NPFFR2: variants seen among roughly 807,000 people sequenced by gnomAD.
NPFFR2 encodes neuropeptide FF receptor 2, also known as G-protein coupled receptor 74.
In NPFFR2, 15 loss-of-function variants were observed where a neutral mutation model predicts 13.1. The observed-to-expected ratio is 1.15, with a 90% CI of 0.77 to 1.76. The LOEUF (loss-of-function observed/expected upper bound fraction) is 1.76, where lower values mean the gene tolerates loss of function less well. Among genes scored for constraint, NPFFR2 ranks in the 40% most tolerant of loss-of-function variants. The probability of loss-of-function intolerance (pLI) is 0.00; values close to 1 mark genes in which losing one functional copy is unlikely to be tolerated. For synonymous variants in NPFFR2, 190 were observed against 175.7 expected, an observed-to-expected ratio of 1.08 and a Z score of -0.65; for missense variants, 572 against 503.5, an observed-to-expected ratio of 1.14 and a Z score of -1.30.
At chr4:72,050,431 C>T (rs1719510054) in intron 1 of NPFFR2, among the ~76,000 whole-genome samples, 1 of 151,908 alleles carries the variant, frequency 6.6e-6, no homozygotes, top group African/African-American at 2.4e-5. Flanking sequence ...ACACTCCTCC[C>T]TTTACAATTC....
At chr4:72,140,849 C>G (rs377017555) in intron 3 of NPFFR2, among the ~76,000 whole-genome samples, 6 of 152,210 alleles carry the variant, frequency 3.9e-5, no homozygotes, top group African/African-American at 9.6e-5. Flanking sequence ...ACCAGCTCCT[C>G]TTTGTACCTC....
At chr4:72,140,396 G>T (rs1722567533) in intron 3 of NPFFR2, among the ~76,000 whole-genome samples, 1 of 152,080 alleles carries the variant, frequency 6.6e-6, no homozygotes, top group Admixed American at 6.6e-5. Flanking sequence ...CTGTGGGTTT[G>T]TCAAAAAATA....
At chr4:72,042,914 A>G (rs191227503) in intron 1 of NPFFR2, among the ~76,000 whole-genome samples, 107 of 152,358 alleles carry the variant, frequency 7.0e-4, no homozygotes, top group Non-Finnish European at 1.3e-3. Flanking sequence ...CACCAAAACA[A>G]TGAGAAAAAT....
At chr4:72,092,203 C>T (rs1720933720) in intron 1 of NPFFR2, among the ~76,000 whole-genome samples, 1 of 151,930 alleles carries the variant, frequency 6.6e-6, no homozygotes, top group Non-Finnish European at 1.5e-5. Context: ...TGCGAGAGTA[C>T]TTGATATAAT....
chr4:72,040,691 C>T (rs1013827068), intron 1 of NPFFR2, among the ~76,000 whole-genome samples: 11 of 151,990 alleles, frequency 7.2e-5, no homozygotes, highest in Admixed American at 2.0e-4. Context: ...TTTTACCAAA[C>T]GAACTGTTTG....
chr4:72,108,580 A>T (rs1221167681), intron 1 of NPFFR2, among the ~76,000 whole-genome samples: 1 of 152,014 alleles, frequency 6.6e-6, no homozygotes, highest in Non-Finnish European at 1.5e-5. Context: ...CCCCAAAAGA[A>T]TTGGAGGAAA....
At chr4:72,104,241 G>T (rs927238337) in intron 1 of NPFFR2, among the ~76,000 whole-genome samples, 1 of 151,900 alleles carries the variant, frequency 6.6e-6, no homozygotes, top group African/African-American at 2.4e-5. Context: ...AGCTCTTTGG[G>T]TGCCCCATCA....
At chr4:72,139,856 T>A (rs932161731) in intron 3 of NPFFR2, among the ~76,000 whole-genome samples, 1 of 152,106 alleles carries the variant, frequency 6.6e-6, no homozygotes, top group Non-Finnish European at 1.5e-5. Flanking sequence ...GGCAGTATGG[T>A]CATTTTCACG....
At chr4:72,053,122 A>G (rs866907957) in intron 1 of NPFFR2, among the ~76,000 whole-genome samples, 1 of 151,908 alleles carries the variant, frequency 6.6e-6, no homozygotes, top group Non-Finnish European at 1.5e-5. Context: ...TGTCGTTGGC[A>G]ATGGTCCTCA....
chr4:72,124,635 C>A (rs749026016), intron 1 of NPFFR2, among the ~76,000 whole-genome samples: 13 of 152,166 alleles, frequency 8.5e-5, no homozygotes, highest in Non-Finnish European at 1.3e-4. Flanking sequence ...CTACAACCAT[C>A]TGATCTTTGA....
chr4:72,143,930 C>G (rs1722703421), intron 3 of NPFFR2, among the ~76,000 whole-genome samples: 1 of 152,180 alleles, frequency 6.6e-6, no homozygotes, highest in Non-Finnish European at 1.5e-5. Context: ...TGATTCACAT[C>G]CCTCGTTACC....
chr4:72,032,741 C>T (rs1718958719), intron 1 of NPFFR2, among the ~76,000 whole-genome samples: 1 of 152,096 alleles, frequency 6.6e-6, no homozygotes, highest in South Asian at 2.1e-4. Flanking sequence ...ATAGGGTTTC[C>T]AGACAATACC....
chr4:72,132,243 T>C (rs1578477144), intron 2 of NPFFR2, among the ~76,000 whole-genome samples: 1 of 152,034 alleles, frequency 6.6e-6, no homozygotes, highest in South Asian at 2.1e-4. Flanking sequence ...AATAGTAACA[T>C]GTAGTATTGG....
intron 1 of NPFFR2, among the ~76,000 whole-genome samples, chr4:72,118,032 C>T (rs550778211): frequency 1.4e-4 from 21 of 151,724 alleles, no homozygotes; most frequent in African/African-American, 4.8e-4. Flanking sequence ...GGGGGAAGGG[C>T]GAAAGTGAAA....
intron 1 of NPFFR2, among the ~76,000 whole-genome samples, chr4:72,097,836 T>C (rs1376164044): frequency 6.6e-6 from 1 of 152,150 alleles, no homozygotes; most frequent in African/African-American, 2.4e-5. Context: ...AATTACCTCA[T>C]TTGTTGGTTG....
intron 2 of NPFFR2, 35 bp downstream of exon 2, chr4:72,128,954 G>A: frequency 6.8e-7 from 1 of 1,479,636 alleles, no homozygotes; most frequent in South Asian, 1.2e-5. Flanking sequence ...AAGATAATAT[G>A]AAATATTTGT....
At chr4:72,130,616 G>A (rs568521095) in intron 2 of NPFFR2, among the ~76,000 whole-genome samples, 17 of 152,234 alleles carry the variant, frequency 1.1e-4, no homozygotes, top group South Asian at 1.0e-3. Context: ...GTGAAGGGGC[G>A]GCTCCCTTAC....
chr4:72,044,231 C>G (rs1304272831), intron 1 of NPFFR2, among the ~76,000 whole-genome samples: 3 of 152,168 alleles, frequency 2.0e-5, no homozygotes, highest in Non-Finnish European at 2.9e-5. Context: ...ATAAATTACC[C>G]AGTCTTGAGT....
chr4:72,104,168 T>C (rs1412981242), intron 1 of NPFFR2, among the ~76,000 whole-genome samples: 2 of 152,086 alleles, frequency 1.3e-5, no homozygotes, highest in African/African-American at 4.8e-5. Flanking sequence ...TTTAGGTCTT[T>C]CGATTTCTGC....
Sources: allele counts gnomAD v4.1 joint callset (sites outside exome capture counted in the v4.1 genomes callset), GRCh38; gene constraint gnomAD v4.1.1; transcripts MANE v1.5; gene names NCBI Gene and HGNC (gene_info 2026-07-23, HGNC 2026-07-21).